SLC10A7: variants seen among roughly 807,000 people sequenced by gnomAD.
SLC10A7 encodes the protein solute carrier family 10 member 7, also known as sodium/bile acid cotransporter 7.
In SLC10A7, 29 loss-of-function variants were observed where a neutral mutation model predicts 43.2. That is an observed-to-expected ratio of 0.67 (90% CI 0.50 to 0.92). The LOEUF (loss-of-function observed/expected upper bound fraction) is 0.92. Among genes scored for constraint, SLC10A7 ranks in the 40% least tolerant of loss-of-function variants. The pLI is 0.00. For synonymous variants in SLC10A7, 152 were observed against 144.8 expected, an observed-to-expected ratio of 1.05 and a Z score of -0.35; for missense variants, 295 against 403.2, an observed-to-expected ratio of 0.73 and a Z score of 2.30.
In SLC10A7 at chr4:146,257,310, G is replaced by T. The variant is rs558290291; in HGVS notation, c.994-790C>A. 1.6e-3 allele frequency among the ~76,000 whole-genome samples: 238 copies of T among 152,334 alleles called. 2 individuals carry two copies. The highest frequency in any genetic ancestry group is 5.7e-3 in the African/African-American group (235 of 41,578). On this transcript the variant is annotated intron_variant, in intron 11 of 11. Coordinates refer to ENST00000335472, the MANE Select transcript of SLC10A7 (RefSeq NM_001029998.6). ...GCCTGGAGTGGTACCCAGCATAGAAGAGGAATCTTTTTTATGTTAACATTT... is the reference window on the plus strand; with the variant it reads ...GCCTGGAGTGGTACCCAGCATAGAATAGGAATCTTTTTTATGTTAACATTT...
Position 146,515,263 on chromosome 4 carries a change from T to C in SLC10A7, c.183+1775A>G, listed in dbSNP as rs1737840537. Reference sequence around the variant, plus strand: ...TAGAGCAACGCCCCAAGTAAAGGACTTGGGTTAGAAAGCAGTTCCATAAAG... The same window carrying C: ...TAGAGCAACGCCCCAAGTAAAGGACCTGGGTTAGAAAGCAGTTCCATAAAG... On this transcript the variant is annotated intron_variant, in intron 2 of 11. Transcript: ENST00000335472. 4 of 671,430 alleles carry C rather than the reference T, an allele frequency of 6.0e-6. No homozygotes were observed. In the Admixed American group the frequency reaches 9.1e-5, roughly 15 times the overall value. 41.6% of individuals were successfully genotyped at this position (671,430 alleles called of 1,614,324 possible).
rs376361029 is a variant in SLC10A7 at position 146,521,605 on chromosome 4, G to C, written c.100+13C>G. ...GGGAGCCGCGGTGGAGCCGGCAGAG[G>C]TGCAGCACTTACCCCCATTCACCCC... On this transcript the variant is annotated intron_variant, in intron 1 of 11. Transcript: ENST00000335472. 6.2e-7 allele frequency: 1 copy of C among 1,608,204 alleles called. No individual in the cohort carries two copies. Among genetic ancestry groups the C allele is most frequent in the Non-Finnish European group, 8.5e-7 (1 of 1,175,042 alleles).
intron 5 of SLC10A7, among the ~76,000 whole-genome samples, chr4:146,335,814 TG>T (rs1733857606): frequency 6.6e-6 from 1 of 152,116 alleles, no homozygotes; most frequent in Non-Finnish European, 1.5e-5. Context: ...TCTAACCAAC[TG>T]AAGTGACTTC....
chr4:146,259,130 GT>G (rs1229980440), intron 10 of SLC10A7, among the ~76,000 whole-genome samples: 1 of 152,194 alleles, frequency 6.6e-6, no homozygotes, highest in East Asian at 1.9e-4. Flanking sequence ...AAGATTGCGT[GT>G]GATGGAGTTG....
intron 5 of SLC10A7, among the ~76,000 whole-genome samples, chr4:146,436,909 G>C (rs1730259606): frequency 6.6e-6 from 1 of 151,938 alleles, no homozygotes; most frequent in South Asian, 2.1e-4. Flanking sequence ...TAAAGTTTTG[G>C]CTTGAAATAA....
chr4:146,436,448 G>A (rs56090905), intron 5 of SLC10A7, among the ~76,000 whole-genome samples: 15,510 of 151,982 alleles, frequency 0.1, 871 homozygotes, highest in Non-Finnish European at 0.13. Context: ...TTCTAGAGAG[G>A]TGTCATGTAA....
chr4:146,258,564 TTAAG>T (rs1284986717), intron 11 of SLC10A7, 124 bp downstream of exon 11: 11 of 842,770 alleles, frequency 1.3e-5, no homozygotes, highest in African/African-American at 5.3e-5. Context: ...ATTATTGTAT[TTAAG>T]TAAGAAAATA....
intron 10 of SLC10A7, among the ~76,000 whole-genome samples, chr4:146,280,542 A>G (rs1729484612): frequency 6.6e-6 from 1 of 152,220 alleles, no homozygotes; most frequent in South Asian, 2.1e-4. Flanking sequence ...ATAAAAACAA[A>G]CAAAAAAGAA....
intron 5 of SLC10A7, among the ~76,000 whole-genome samples, chr4:146,405,709 T>C (rs1262610204): frequency 1.3e-5 from 2 of 152,202 alleles, no homozygotes; most frequent in Non-Finnish European, 2.9e-5. Context: ...ACTGGGTAGA[T>C]GTACAAATAC....
At chr4:146,314,456 A>C (rs553444935) in intron 6 of SLC10A7, among the ~76,000 whole-genome samples, 5 of 152,296 alleles carry the variant, frequency 3.3e-5, no homozygotes, top group African/African-American at 1.2e-4. Context: ...TCCAATGATC[A>C]CAGTGCCTTA....
In SLC10A7 at chr4:146,254,419, A is replaced by T. The variant is rs927338967; in HGVS notation, c.*2072T>A. The stretch of plus-strand genomic sequence containing the variant: ...CCCAATAAGCATGAATTAAAAATAA[A>T]TTTTGATTTTATTTTTTGTTCTTTA... On this transcript the variant is annotated 3_prime_UTR_variant, in exon 12 of 12. Transcript: ENST00000335472. 6.6e-6 allele frequency: 1 copy of T among 152,190 alleles called. No homozygotes were observed. The allele number at this position is 152,190 out of a possible 1,614,324, so 9.4% of individuals were successfully genotyped here.
chr4:146,486,763 A>C (rs1223124209), intron 4 of SLC10A7, among the ~76,000 whole-genome samples: 2 of 152,230 alleles, frequency 1.3e-5, no homozygotes, highest in African/African-American at 4.8e-5. Flanking sequence ...AATAGGAGTT[A>C]CTGAGATGAA....
intron 5 of SLC10A7, among the ~76,000 whole-genome samples, chr4:146,378,546 C>T (rs1186250462): frequency 6.6e-6 from 1 of 152,088 alleles, no homozygotes; most frequent in African/African-American, 2.4e-5. Context: ...TGCCATAATG[C>T]TCAATCTACA....
intron 7 of SLC10A7, among the ~76,000 whole-genome samples, chr4:146,300,246 G>A (rs1319818649): frequency 6.6e-6 from 1 of 152,138 alleles, no homozygotes; most frequent in Non-Finnish European, 1.5e-5. Flanking sequence ...GCTATGAAGT[G>A]GGCTGCCTGA....
At chr4:146,293,631 A>G (rs1730588566) in intron 8 of SLC10A7, among the ~76,000 whole-genome samples, 1 of 152,196 alleles carries the variant, frequency 6.6e-6, no homozygotes, top group Non-Finnish European at 1.5e-5. Context: ...TAAATTGGTG[A>G]CACAGTGCTT....
intron 5 of SLC10A7, among the ~76,000 whole-genome samples, chr4:146,341,034 C>G (rs1332435073): frequency 6.6e-6 from 1 of 151,772 alleles, no homozygotes; most frequent in Non-Finnish European, 1.5e-5. Flanking sequence ...TGAATCACTG[C>G]ATGTTTAAAA....
intron 5 of SLC10A7, among the ~76,000 whole-genome samples, chr4:146,374,613 TACAC>T (rs533034687): frequency 0.044 from 5,206 of 119,296 alleles, 145 homozygotes; most frequent in Non-Finnish European, 0.044. Context: ...TATATATATA[TACAC>T]ATACACACAC....
Position 146,521,810 on chromosome 4 carries a change from C to CT in SLC10A7, c.-94dup. ...ATCCTTGGAGCGTCTCCACACTTTC[C>CT]TTGGTCCCTCCAGACATGCAGCAGA... On this transcript the variant is annotated 5_prime_UTR_variant, in exon 1 of 12. An upstream open reading frame in the 5' UTR gains an earlier in-frame stop. Coordinates refer to ENST00000335472, the MANE Select transcript of SLC10A7 (RefSeq NM_001029998.6). The CT allele has an allele frequency of 9.7e-7, 1 of 1,025,886 alleles. No homozygotes were observed. The highest frequency in any genetic ancestry group is 1.4e-5 in the South Asian group (1 of 73,154). 63.5% of individuals were successfully genotyped at this position (1,025,886 alleles called of 1,614,324 possible).
At chr4:146,261,673 C>T (rs1187552531) in intron 10 of SLC10A7, among the ~76,000 whole-genome samples, 1 of 152,144 alleles carries the variant, frequency 6.6e-6, no homozygotes, top group East Asian at 1.9e-4. Flanking sequence ...ATAGGAATTT[C>T]CCCCTACCAC....
Sources: allele counts gnomAD v4.1 joint callset (sites outside exome capture counted in the v4.1 genomes callset), GRCh38; gene constraint gnomAD v4.1.1; transcripts MANE v1.5; gene names NCBI Gene and HGNC (gene_info 2026-07-23, HGNC 2026-07-21).